Variants in DGLUCY observed in about 807,000 individuals in gnomAD.
DGLUCY encodes D-glutamate cyclase, mitochondrial.
A neutral mutation model predicts 58.5 loss-of-function variants in DGLUCY; 58 were observed. That is an observed-to-expected ratio of 0.99 (90% confidence interval 0.80 to 1.23). The LOEUF (loss-of-function observed/expected upper bound fraction) is 1.23. DGLUCY is among the 50% of genes most tolerant of loss of function. DGLUCY has a pLI of 0.00. For synonymous variants in DGLUCY, 325 were observed against 314.1 expected, an observed-to-expected ratio of 1.03 and a Z score of -0.37; for missense variants, 779 against 784.7, an observed-to-expected ratio of 0.99 and a Z score of 0.09.
chr14:91,147,223 A>G (rs1490755267), intron 1 of DGLUCY, among the ~76,000 whole-genome samples: 2 of 152,170 alleles, frequency 1.3e-5, no homozygotes, highest in Non-Finnish European at 2.9e-5. Flanking sequence ...CGTGGTCCTC[A>G]TCCTGCCTGG....
In DGLUCY at chr14:91,157,115, ATGGG is replaced by A. The variant is rs1325208253; in HGVS notation, c.-81-520_-81-517del. ...GATGAATGGGTGGATGGATGGATGG[ATGGG>A]TGGATGGATGGATGGATGGATGGAT... On this transcript the variant is annotated intron_variant, in intron 1 of 13. Transcript: ENST00000256324. 1.1e-4 allele frequency among the ~76,000 whole-genome samples: 11 copies of A among 102,146 alleles called. 1 individual carries two copies. Among genetic ancestry groups the A allele is most frequent in the East Asian group, 3.8e-4 (1 of 2,660 alleles). 67.0% of individuals were successfully genotyped at this position (102,146 alleles called of 152,430 possible).
intron 1 of DGLUCY, among the ~76,000 whole-genome samples, chr14:91,063,877 A>G (rs1464445841): frequency 2.6e-5 from 4 of 152,240 alleles, no homozygotes; most frequent in East Asian, 1.9e-4. Context: ...TCAGAAGGTC[A>G]CTGAAGTTAG....
At chr14:91,192,891 G>C (rs2049983780) in intron 9 of DGLUCY, among the ~76,000 whole-genome samples, 1 of 152,328 alleles carries the variant, frequency 6.6e-6, no homozygotes, top group South Asian at 2.1e-4. Flanking sequence ...GTTTGACCCT[G>C]TTAGGTATGA....
At chr14:91,224,084 T>C (rs1887885866) in intron 13 of DGLUCY, among the ~76,000 whole-genome samples, 1 of 152,204 alleles carries the variant, frequency 6.6e-6, no homozygotes, top group Non-Finnish European at 1.5e-5. Context: ...ATTTGACACA[T>C]GCCCCACATT....
chr14:91,155,009 G>C (rs906739142), intron 1 of DGLUCY, among the ~76,000 whole-genome samples: 1 of 152,140 alleles, frequency 6.6e-6, no homozygotes, highest in Non-Finnish European at 1.5e-5. Flanking sequence ...TGGGCCTAGA[G>C]GGCCTTCTCC....
intron 8 of DGLUCY, among the ~76,000 whole-genome samples, chr14:91,182,823 G>T (rs1164889715): frequency 6.6e-6 from 1 of 152,198 alleles, no homozygotes; most frequent in Non-Finnish European, 1.5e-5. Context: ...CCCTTCTGTG[G>T]CTTTGGAGCC....
upstream of DGLUCY, among the ~76,000 whole-genome samples, chr14:91,105,391 C>T (rs115760697): frequency 3.0e-3 from 453 of 152,262 alleles, 4 homozygotes; most frequent in African/African-American, 0.01. Context: ...TGAGGACTCA[C>T]CAGATCACAT....
intron 1 of DGLUCY, among the ~76,000 whole-genome samples, chr14:91,157,063 GTGGATGGATGGA>G (rs146037809): frequency 5.6e-4 from 83 of 149,476 alleles, no homozygotes; most frequent in African/African-American, 2.0e-3. Flanking sequence ...GGGTGAGTGG[GTGGATGGATGGA>G]TGGATGGATG....
At chr14:91,075,064 C>G (rs1400710668) in intron 1 of DGLUCY, among the ~76,000 whole-genome samples, 2 of 142,904 alleles carry the variant, frequency 1.4e-5, no homozygotes, top group African/African-American at 5.3e-5. Context: ...AAGAGAGAAA[C>G]TCCGTCTCAA....
At chr14:91,196,081 C>T (rs1425013552) in intron 9 of DGLUCY, among the ~76,000 whole-genome samples, 1 of 152,102 alleles carries the variant, frequency 6.6e-6, no homozygotes, top group Non-Finnish European at 1.5e-5. Context: ...GGCAGTGGGC[C>T]AGAACAGGCC....
At chr14:91,068,388 G>A (rs531371116) in intron 1 of DGLUCY, among the ~76,000 whole-genome samples, 1 of 152,322 alleles carries the variant, frequency 6.6e-6, no homozygotes, top group Admixed American at 6.5e-5. Context: ...GATATTGGGG[G>A]CCGGGCACGG....
intron 1 of DGLUCY, among the ~76,000 whole-genome samples, chr14:91,134,841 A>T (rs1240819290): frequency 1.3e-5 from 2 of 152,204 alleles, no homozygotes; most frequent in East Asian, 3.8e-4. Flanking sequence ...ACTAATTTTA[A>T]TAATTTATTT....
chr14:91,172,563 A>G (rs2048625780), intron 5 of DGLUCY, among the ~76,000 whole-genome samples: 1 of 152,028 alleles, frequency 6.6e-6, no homozygotes, highest in African/African-American at 2.4e-5. Context: ...GCTGATCACT[A>G]CTTCAAAGTT....
At chr14:91,168,732 G>T (rs558435738) in intron 4 of DGLUCY, among the ~76,000 whole-genome samples, 1 of 152,306 alleles carries the variant, frequency 6.6e-6, no homozygotes, top group Non-Finnish European at 1.5e-5. Flanking sequence ...TCCTTGCTGT[G>T]TATTGCCAGT....
At chr14:91,197,681 T>C (rs1405162581) in intron 10 of DGLUCY, among the ~76,000 whole-genome samples, 1 of 152,278 alleles carries the variant, frequency 6.6e-6, no homozygotes, top group Non-Finnish European at 1.5e-5. Context: ...TCACTTAGCA[T>C]AATGTCCTCA....
intron 13 of DGLUCY, chr14:91,223,557 C>T (rs1386448567): frequency 4.5e-6 from 3 of 660,796 alleles, no homozygotes; most frequent in Admixed American, 3.2e-5. Context: ...TTAGGGGAAC[C>T]TGAGCTGTTC....
intron 1 of DGLUCY, among the ~76,000 whole-genome samples, chr14:91,157,282 G>GAT (rs59992100): frequency 2.0e-5 from 3 of 151,202 alleles, no homozygotes; most frequent in Admixed American, 6.6e-5. Context: ...TGGATGGATG[G>GAT]GTGGGTGGAT....
intron 2 of DGLUCY, among the ~76,000 whole-genome samples, chr14:91,159,292 C>T (rs1473088576): frequency 1.3e-5 from 2 of 152,106 alleles, no homozygotes; most frequent in East Asian, 3.9e-4. Flanking sequence ...ACTAAAAATA[C>T]AAAAACAAGC....
Position 91,189,978 on chromosome 14 carries a change from C to CTT in DGLUCY, c.1195+834_1195+835dup, listed in dbSNP as rs55652724. ...TATGTGCCAGGCACTCTGTTAGGTT[C>CTT]TTTTTTTTTTTTTTTTTTTTTTTTT... On this transcript the variant is annotated intron_variant, in intron 9 of 13. Coordinates refer to ENST00000256324, the MANE Select transcript of DGLUCY (RefSeq NM_001102368.3). 8.0e-4 allele frequency among the ~76,000 whole-genome samples: 65 copies of CTT among 81,026 alleles called. 3 individuals are homozygous for CTT. The highest frequency in any genetic ancestry group is 1.4e-3 in the East Asian group (3 of 2,222). 53.2% of individuals were successfully genotyped at this position (81,026 alleles called of 152,430 possible). A position where few individuals can be genotyped will look rare whatever the true frequency, so the allele number is the denominator to read the frequency against.
Sources: allele counts gnomAD v4.1 joint callset (sites outside exome capture counted in the v4.1 genomes callset), GRCh38; gene constraint gnomAD v4.1.1; transcripts MANE v1.5; gene names NCBI Gene and HGNC (gene_info 2026-07-23, HGNC 2026-07-21).